The following MANBA variants were observed in gnomAD, a reference collection of about 807,000 sequenced individuals.
MANBA encodes the protein mannosidase beta.
MANBA carries 83 observed loss-of-function variants against 111.1 expected under a neutral mutation model. The observed-to-expected ratio is 0.75, with a 90% CI of 0.63 to 0.90. The LOEUF is 0.90. MANBA is among the 40% of genes least tolerant of loss of function. The pLI, the probability that MANBA is intolerant of heterozygous loss-of-function variation, is 0.00. For synonymous variants in MANBA, 370 were observed against 378.7 expected (o/e 0.98, Z 0.27); for missense variants, 1,036 against 1,069.0 (o/e 0.97, Z 0.43).
chr4:102,758,471 T>C (rs1034086477), intron 1 of MANBA, among the ~76,000 whole-genome samples: 1 of 152,136 alleles, frequency 6.6e-6, no homozygotes, highest in Non-Finnish European at 1.5e-5. Context: ...GATGTTATAA[T>C]AAAGCAGGTC....
intron 9 of MANBA, 159 bp downstream of exon 9, chr4:102,671,122 C>A: frequency 1.6e-6 from 1 of 621,036 alleles, no homozygotes; most frequent in East Asian, 2.9e-5. Context: ...AGTTGATCAC[C>A]TATGGCTCTT....
At chr4:102,656,750 TA>T (rs753538710) in intron 12 of MANBA, among the ~76,000 whole-genome samples, 25 of 150,992 alleles carry the variant, frequency 1.7e-4, no homozygotes, top group Middle Eastern at 3.4e-3. Context: ...TATTCAGCAA[TA>T]AAAAAAAGGA....
chr4:102,733,396 C>A (rs1723099704), intron 1 of MANBA, among the ~76,000 whole-genome samples: 1 of 151,636 alleles, frequency 6.6e-6, no homozygotes, highest in Non-Finnish European at 1.5e-5. Context: ...CTCTGTCACC[C>A]AGGCTGGAGT....
At chr4:102,754,511 T>A (rs1723931105) in intron 1 of MANBA, among the ~76,000 whole-genome samples, 1 of 152,134 alleles carries the variant, frequency 6.6e-6, no homozygotes, top group African/African-American at 2.4e-5. Flanking sequence ...GGTAAGAGCA[T>A]CACAATACAT....
intron 5 of MANBA, among the ~76,000 whole-genome samples, chr4:102,712,598 C>A (rs1033820146): frequency 1.3e-5 from 2 of 151,558 alleles, no homozygotes; most frequent in Non-Finnish European, 2.9e-5. Context: ...CAACTCACAG[C>A]AGCTCTACCT....
intron 1 of MANBA, among the ~76,000 whole-genome samples, chr4:102,733,458 A>G (rs890906365): frequency 1.3e-5 from 2 of 151,584 alleles, no homozygotes; most frequent in Non-Finnish European, 2.9e-5. Context: ...GGCTCAAGCA[A>G]CCCTCCCAGC....
chr4:102,676,506 A>C (rs1228756077), intron 7 of MANBA, among the ~76,000 whole-genome samples: 1 of 151,978 alleles, frequency 6.6e-6, no homozygotes, highest in African/African-American at 2.4e-5. Flanking sequence ...AAATAACAGC[A>C]CTGCCACTTT....
chr4:102,710,371 C>T (rs1320962513), intron 5 of MANBA, among the ~76,000 whole-genome samples: 1 of 152,020 alleles, frequency 6.6e-6, no homozygotes, highest in African/African-American at 2.4e-5. Flanking sequence ...CAATGATGAA[C>T]TAGCTGAGAA....
chr4:102,656,558 C>T (rs886069278), intron 12 of MANBA, among the ~76,000 whole-genome samples: 1 of 152,136 alleles, frequency 6.6e-6, no homozygotes, highest in Admixed American at 6.5e-5. Context: ...CCATATGACC[C>T]AGCAATTCCA....
At position 102,654,271 on chromosome 4, in the gene MANBA, G is replaced by C. The variant is rs796972212; in HGVS notation, c.1704+3411C>G. Among the ~76,000 whole-genome samples the C allele has an allele frequency of 6.6e-5, 10 of 152,200 alleles. 1 individual carries two copies. The highest frequency in any genetic ancestry group is 2.4e-4 in the African/African-American group (10 of 41,544). On this transcript the variant is annotated intron_variant, in intron 12 of 16. Transcript: ENST00000647097. Reference sequence around the variant, plus strand: ...CATCCTCCTTCACTCTGAAACAACAGTATTCCCAAAAGATTAGCCCCACAA... The same window carrying C: ...CATCCTCCTTCACTCTGAAACAACACTATTCCCAAAAGATTAGCCCCACAA...
At position 102,631,971 on chromosome 4, in the gene MANBA, T is replaced by G; in HGVS notation, c.*86A>C. 1.7e-6 allele frequency: 2 copies of G among 1,166,476 alleles called. No individual in the cohort carries two copies. 72.3% of individuals were successfully genotyped at this position (1,166,476 alleles called of 1,614,324 possible). ...ACGCAGACATGTCTCTCGGCTTCTC[T>G]CCTTGTCTCTGTTGCCTTCCTCTCC... On this transcript the variant is annotated 3_prime_UTR_variant, in exon 17 of 17. Transcript: ENST00000647097.
chr4:102,699,132 G>A (rs1232514560), intron 5 of MANBA, among the ~76,000 whole-genome samples: 2 of 152,142 alleles, frequency 1.3e-5, no homozygotes, highest in Admixed American at 6.5e-5. Flanking sequence ...GTGAATGGGA[G>A]TTCACTCATG....
chr4:102,723,078 T>C, intron 3 of MANBA, 37 bp from the exon 4 acceptor site: 1 of 1,582,938 alleles, frequency 6.3e-7, no homozygotes, highest in South Asian at 1.1e-5. Flanking sequence ...ACCCATGATG[T>C]GGAAGTAGTC....
chr4:102,650,903 C>T, intron 12 of MANBA: 1 of 571,192 alleles, frequency 1.8e-6, no homozygotes, highest in South Asian at 2.1e-5. Context: ...AATCACAAAA[C>T]CAGGGTTTGG....
chr4:102,635,022 G>C lies in MANBA; in HGVS notation c.2181C>G (p.Ser727=), dbSNP rs968350803. ...TCACACGAGAGCACACGGGCTCCAG[G>C]GAGCTCCATGTATGGACTCTCACCT... ...TLSVRVHTWS[S]LEPVCSRVTE... The change falls in exon 16 of 17, where the codon TCC becomes TCG. Residue 727 remains serine, a synonymous_variant. Coordinates refer to ENST00000647097, the MANE Select transcript of MANBA (RefSeq NM_005908.4). The C allele has an allele frequency of 3.7e-6, 6 of 1,613,976 alleles. No homozygotes were observed. Among genetic ancestry groups the C allele is most frequent in the Non-Finnish European group, 5.1e-6 (6 of 1,179,974 alleles).
At chr4:102,681,087 A>C (rs1195832782) in intron 7 of MANBA, among the ~76,000 whole-genome samples, 1 of 152,178 alleles carries the variant, frequency 6.6e-6, no homozygotes, top group Non-Finnish European at 1.5e-5. Context: ...GGGTTGCTTG[A>C]GGACAGGGGT....
intron 5 of MANBA, among the ~76,000 whole-genome samples, chr4:102,702,179 C>T (rs1197614073): frequency 2.6e-5 from 4 of 151,750 alleles, no homozygotes; most frequent in Middle Eastern, 3.2e-3. Flanking sequence ...GCATTCTTCA[C>T]GTAGTTCTCG....
At chr4:102,644,542 T>A (rs565262020) in intron 13 of MANBA, among the ~76,000 whole-genome samples, 1 of 152,066 alleles carries the variant, frequency 6.6e-6, no homozygotes, top group African/African-American at 2.4e-5. Context: ...TACTACATGA[T>A]CTCACGTATA....
At chr4:102,724,190 T>A (rs532927211) in intron 2 of MANBA, among the ~76,000 whole-genome samples, 1 of 152,210 alleles carries the variant, frequency 6.6e-6, no homozygotes, top group African/African-American at 2.4e-5. Context: ...TAAATCACCA[T>A]AAAACCAAGA....
Sources: allele counts gnomAD v4.1 joint callset (sites outside exome capture counted in the v4.1 genomes callset), GRCh38; gene constraint gnomAD v4.1.1; transcripts MANE v1.5; gene names NCBI Gene and HGNC (gene_info 2026-07-23, HGNC 2026-07-21).